Variants in ALDH1L2 observed in about 807,000 individuals in gnomAD.
The protein encoded by ALDH1L2 is mitochondrial 10-formyltetrahydrofolate dehydrogenase.
A neutral mutation model predicts 111.0 loss-of-function variants in ALDH1L2; 91 were observed. The ratio of observed to expected loss-of-function variants is 0.82; its 90% CI spans 0.69 to 0.98. The LOEUF (loss-of-function observed/expected upper bound fraction) is 0.98. ALDH1L2 is among the 50% of genes least tolerant of loss of function. ALDH1L2 has a pLI of 0.00. For synonymous variants in ALDH1L2, 374 were observed against 392.6 expected, an observed-to-expected ratio of 0.95 and a Z score of 0.56; for missense variants, 995 against 1,126.8, an observed-to-expected ratio of 0.88 and a Z score of 1.67.
chr12:105,072,780 C>A (rs1418504561), intron 2 of ALDH1L2, among the ~76,000 whole-genome samples: 2 of 152,156 alleles, frequency 1.3e-5, no homozygotes, highest in African/African-American at 4.8e-5. Flanking sequence ...TCAAGACCAG[C>A]CTGGCCAACA....
intron 21 of ALDH1L2, 101 bp from the exon 22 acceptor site, chr12:105,026,845 T>C: frequency 7.4e-7 from 1 of 1,353,374 alleles, no homozygotes; most frequent in African/African-American, 1.5e-5. Context: ...AGGAAAACAT[T>C]ACTGCCATCT....
At chr12:105,045,608 G>T (rs2136067310) in intron 15 of ALDH1L2, among the ~76,000 whole-genome samples, 1 of 152,090 alleles carries the variant, frequency 6.6e-6, no homozygotes, top group South Asian at 2.1e-4. Context: ...TGCTTGGCTG[G>T]GGAATAATGA....
At chr12:105,040,401 C>G in intron 16 of ALDH1L2, among the ~76,000 whole-genome samples, 1 of 152,038 alleles carries the variant, frequency 6.6e-6, no homozygotes, top group East Asian at 1.9e-4. Flanking sequence ...TGTACAACCC[C>G]CCTCCCCACT....
In ALDH1L2 at chr12:105,060,986, A is replaced by G. The variant is rs750819628; in HGVS notation, c.1134T>C (p.Val378=). The change falls in exon 9 of 23, where the codon GTT becomes GTC. Residue 378 remains valine, a synonymous_variant. Coordinates refer to ENST00000258494, the MANE Select transcript of ALDH1L2 (RefSeq NM_001034173.4). The stretch of plus-strand genomic sequence containing the variant: ...CAATAAGGGCGTGGTTTTACCTGGC[A>G]ACATCCATTGAGCTTGCTCCAGATT... The part of the protein sequence containing the change: ...FFKSGASSMD[V]ARLVEEIRQK... 2 of 1,613,962 alleles carry G rather than the reference A, an allele frequency of 1.2e-6. No homozygotes were observed. Among genetic ancestry groups the G allele is most frequent in the Non-Finnish European group, 1.7e-6 (2 of 1,179,824 alleles).
rs1876149315 is a variant in ALDH1L2, at chr12:105,049,964, T to A, written c.1630A>T (p.Ile544Phe). 1 of 1,613,044 alleles carries A rather than the reference T, an allele frequency of 6.2e-7. No homozygotes were observed. Among genetic ancestry groups the A allele is most frequent in the African/African-American group, 1.3e-5 (1 of 75,020 alleles). ...AVYTLALKTH[I>F]GMSVQTFRYF... ...CTGAATGTTTGCACAGACATTCCAA[T>A]GTGTGTCTTCAGGGCCAAGGTATAG... Residue 544 changes from isoleucine to phenylalanine, a missense_variant, in exon 13 of 23, where the codon ATT (isoleucine) becomes TTT (phenylalanine). Ile to Phe is a conservative substitution (Grantham distance 21, BLOSUM62 0). Transcript: ENST00000258494.
At chr12:105,052,769 A>G in intron 11 of ALDH1L2, 43 bp downstream of exon 11, 7 of 1,610,444 alleles carry the variant, frequency 4.3e-6, no homozygotes, top group Non-Finnish European at 5.9e-6. Flanking sequence ...TTAACTAAAA[A>G]TCCATGACCA....
chr12:105,064,133 TTTTTTTTTTTTTTTTTTTTTTG>T (rs2136095389), intron 6 of ALDH1L2, among the ~76,000 whole-genome samples: 1 of 121,502 alleles, frequency 8.2e-6, no homozygotes, highest in African/African-American at 3.3e-5. Flanking sequence ...TTTTTTTTTT[TTTTTTTTTTTTTTTTTTTTTTG>T]TATTTTTAGT....
intron 15 of ALDH1L2, among the ~76,000 whole-genome samples, chr12:105,046,195 A>C (rs11112338): frequency 0.079 from 1,457 of 18,548 alleles, 11 homozygotes; most frequent in Non-Finnish European, 0.098. Flanking sequence ...CTCTCTCTCT[A>C]TATATATATA....
intron 11 of ALDH1L2, 129 bp from the exon 12 acceptor site, chr12:105,052,346 TATCTAGTACTACA>T: frequency 1.1e-6 from 1 of 929,008 alleles, no homozygotes; most frequent in Non-Finnish European, 1.5e-6. Context: ...GAAATGAGTA[TATCTAGTACTACA>T]GTAAAGAAAA....
intron 1 of ALDH1L2, among the ~76,000 whole-genome samples, chr12:105,081,363 G>A (rs1878328790): frequency 6.6e-6 from 1 of 152,122 alleles, no homozygotes; most frequent in Non-Finnish European, 1.5e-5. Flanking sequence ...CAGAGGTCGG[G>A]CAATGATGAA....
At chr12:105,072,041 G>A (rs1032511272) in intron 2 of ALDH1L2, among the ~76,000 whole-genome samples, 14 of 151,284 alleles carry the variant, frequency 9.3e-5, no homozygotes, top group East Asian at 5.8e-4. Context: ...AGCTATTATC[G>A]TGCCACTACG....
intron 1 of ALDH1L2, among the ~76,000 whole-genome samples, chr12:105,081,918 G>A (rs1878352935): frequency 6.6e-6 from 1 of 152,218 alleles, no homozygotes; most frequent in East Asian, 1.9e-4. Flanking sequence ...ATTAGGCCGG[G>A]CACAGTGGCT....
Position 105,038,107 on chromosome 12 carries a change from C to T in ALDH1L2, c.2141G>A (p.Arg714Gln), listed in dbSNP as rs753144208. 6.2e-6 allele frequency: 10 copies of T among 1,613,078 alleles called. No homozygotes were observed. The East Asian group carries it at 6.7e-5, about 11-fold the overall frequency. Reference sequence around the variant, plus strand: ...TTAAATTTGACCCTCTCTTACCATTCGCACAGCCTTGTCAAGTTCACAGTC... The same window carrying T: ...TTAAATTTGACCCTCTCTTACCATTTGCACAGCCTTGTCAAGTTCACAGTC... The part of the protein sequence containing the change: ...FNDCELDKAV[R>Q]MGMGAVFFNK... Residue 714 changes from arginine (R) to glutamine (Q), a missense_variant, in exon 18 of 23, where the codon CGA becomes CAA. By Grantham distance (43) the Arg-to-Gln change is conservative (BLOSUM62 1). Coordinates refer to ENST00000258494, the MANE Select transcript of ALDH1L2 (RefSeq NM_001034173.4).
In ALDH1L2 at chr12:105,023,966, C is replaced by T. The variant is rs553759878; in HGVS notation, c.*458G>A. On this transcript the variant is annotated 3_prime_UTR_variant, in exon 23 of 23. Coordinates refer to ENST00000258494, the MANE Select transcript of ALDH1L2 (RefSeq NM_001034173.4). ...TTTCCAAATACTAAAAAAGAACTAC[C>T]TTCACATTCCTTACAGGTTATACTG... The T allele has an allele frequency of 3.2e-5, 5 of 156,386 alleles. No individual in the cohort carries two copies. Among genetic ancestry groups the T allele is most frequent in the African/African-American group, 1.2e-4 (5 of 41,616 alleles). The allele number at this position is 156,386 out of a possible 1,614,324, so 9.7% of individuals were successfully genotyped here.
Position 105,038,128 on chromosome 12 carries a change from C to T in ALDH1L2, c.2120G>A (p.Cys707Tyr). The T allele has an allele frequency of 6.2e-7, 1 of 1,613,642 alleles. No homozygotes were observed. The highest frequency in any genetic ancestry group is 8.5e-7 in the Non-Finnish European group (1 of 1,179,736). Residue 707 changes from cysteine (C) to tyrosine (Y), a missense_variant, in exon 18 of 23, where the codon TGT (cysteine) becomes TAT (tyrosine). Physicochemically the swap from Cys to Tyr is radical, Grantham distance 194. Coordinates refer to ENST00000258494, the MANE Select transcript of ALDH1L2 (RefSeq NM_001034173.4). ...CATTCGCACAGCCTTGTCAAGTTCA[C>T]AGTCATTAAATATTATAAGTGGAGA... ...GKSPLIIFND[C>Y]ELDKAVRMGM...
Position 105,036,455 on chromosome 12 carries a change from ATG to A in ALDH1L2, c.2145+1646_2145+1647del, listed in dbSNP as rs1327613997. On this transcript the variant is annotated intron_variant, in intron 18 of 22. Transcript: ENST00000258494. Reference sequence around the variant, plus strand: ...GTATATATTATATATATCCATATATATGTGTGTGTGTATATACACACACATAT... The same window carrying A: ...GTATATATTATATATATCCATATATATGTGTGTGTATATACACACACATAT... Among the ~76,000 whole-genome samples the A allele has an allele frequency of 1.4e-3, 152 of 111,576 alleles. 13 individuals carry two copies. Among genetic ancestry groups the A allele is most frequent in the African/African-American group, 4.6e-3 (143 of 31,042 alleles). 73.2% of individuals were successfully genotyped at this position (111,576 alleles called of 152,430 possible). A position where few individuals can be genotyped will look rare whatever the true frequency, so the allele number is the denominator to read the frequency against.
intron 20 of ALDH1L2, 119 bp downstream of exon 20, chr12:105,031,650 G>T (rs1874703017): frequency 1.4e-6 from 2 of 1,418,024 alleles, no homozygotes; most frequent in Admixed American, 2.3e-5. Context: ...CACCACACTG[G>T]GCTAATTTTT....
chr12:105,063,301 C>G (rs1370000479), intron 6 of ALDH1L2, among the ~76,000 whole-genome samples: 1 of 152,006 alleles, frequency 6.6e-6, no homozygotes. Context: ...ACGGTGAAAC[C>G]CCGTCTCTAC....
intron 19 of ALDH1L2, among the ~76,000 whole-genome samples, chr12:105,033,974 A>G (rs1281478639): frequency 6.6e-6 from 1 of 152,166 alleles, no homozygotes; most frequent in Non-Finnish European, 1.5e-5. Context: ...AAAAAATCAT[A>G]AGCACATGTG....
Sources: gnomAD v4.1 joint callset for allele counts (sites outside exome capture counted in the v4.1 genomes callset) on GRCh38, gnomAD v4.1.1 for gene constraint, MANE v1.5 for transcripts, NCBI Gene and HGNC (gene_info 2026-07-23, HGNC 2026-07-21) for gene names.